Variants in MARCHF1 observed in about 807,000 individuals in gnomAD.
MARCHF1 encodes E3 ubiquitin-protein ligase MARCHF1.
In MARCHF1, 40 loss-of-function variants were observed where a neutral mutation model predicts 54.2. The observed-to-expected ratio is 0.74, with a 90% CI of 0.57 to 0.96. MARCHF1 has a LOEUF of 0.96. Ranked by LOEUF, MARCHF1 falls within the 40% of genes least tolerant of loss-of-function variation. The probability of loss-of-function intolerance (pLI) is 0.00; values close to 1 mark genes in which losing one functional copy is unlikely to be tolerated. For synonymous variants in MARCHF1, 236 were observed against 236.3 expected (o/e 1.00, Z 0.01); for missense variants, 586 against 656.5 (o/e 0.89, Z 1.17).
chr4:163,833,429 C>T (rs920684810), intron 4 of MARCHF1, among the ~76,000 whole-genome samples: 1 of 152,042 alleles, frequency 6.6e-6, no homozygotes, highest in Non-Finnish European at 1.5e-5. Flanking sequence ...AGTGAACAGG[C>T]AACCTACAGA....
intron 1 of MARCHF1, among the ~76,000 whole-genome samples, chr4:164,253,610 ATATATC>A (rs1182772120): frequency 2.0e-5 from 3 of 152,142 alleles, no homozygotes; most frequent in Non-Finnish European, 1.5e-5. Context: ...AGCTTTGTGT[ATATATC>A]TATATTTTCC....
At chr4:164,180,386 G>A (rs181939348) in intron 1 of MARCHF1, among the ~76,000 whole-genome samples, 1 of 152,216 alleles carries the variant, frequency 6.6e-6, no homozygotes, top group East Asian at 1.9e-4. Flanking sequence ...AACCTTTCAA[G>A]AAGGTCAATT....
At chr4:163,787,332 A>G (rs889507622) in intron 4 of MARCHF1, among the ~76,000 whole-genome samples, 1 of 151,860 alleles carries the variant, frequency 6.6e-6, no homozygotes, top group Non-Finnish European at 1.5e-5. Flanking sequence ...CACATGACAT[A>G]TAAGGGGTTA....
chr4:163,810,278 T>C (rs1748347265), intron 4 of MARCHF1, among the ~76,000 whole-genome samples: 1 of 152,232 alleles, frequency 6.6e-6, no homozygotes, highest in South Asian at 2.1e-4. Flanking sequence ...AAACTCAGAA[T>C]GATAATGGTG....
intron 5 of MARCHF1, among the ~76,000 whole-genome samples, chr4:163,668,625 G>A (rs1743622879): frequency 6.6e-6 from 1 of 152,150 alleles, no homozygotes; most frequent in Admixed American, 6.5e-5. Flanking sequence ...AGCAGAGCAT[G>A]TTAATTATTG....
intron 1 of MARCHF1, among the ~76,000 whole-genome samples, chr4:164,245,076 G>T (rs1412061281): frequency 6.6e-6 from 1 of 152,230 alleles, no homozygotes; most frequent in South Asian, 2.1e-4. Flanking sequence ...CCAATCAATA[G>T]AAAAAGAGGG....
chr4:163,664,531 G>A (rs1743463489), intron 5 of MARCHF1, among the ~76,000 whole-genome samples: 1 of 152,048 alleles, frequency 6.6e-6, no homozygotes, highest in Admixed American at 6.6e-5. Flanking sequence ...CCCACCTACA[G>A]AGAACTCAGC....
chr4:164,124,084 G>T, intron 1 of MARCHF1, among the ~76,000 whole-genome samples: 1 of 150,236 alleles, frequency 6.7e-6, no homozygotes, highest in East Asian at 1.9e-4. Context: ...GATCAAAAAT[G>T]GGCAAAAGAT....
rs372711581 is a variant in MARCHF1, at chr4:164,068,360, G to A, written c.-248+43228C>T. Among the ~76,000 whole-genome samples the A allele has an allele frequency of 9.9e-5, 15 of 152,268 alleles. No homozygotes were observed. In the East Asian group the frequency reaches 1.2e-3, roughly 12 times the overall value. On this transcript the variant is annotated intron_variant, in intron 2 of 9. Transcript: ENST00000514618. The stretch of plus-strand genomic sequence containing the variant: ...GCCCCTTTCTGGGCTGGCCAAGACC[G>A]GAGCCGCCTCCCTCAGCTTGCGGGG...
At chr4:164,272,889 G>A (rs1391269122) in intron 1 of MARCHF1, among the ~76,000 whole-genome samples, 1 of 151,818 alleles carries the variant, frequency 6.6e-6, no homozygotes, top group African/African-American at 2.4e-5. Flanking sequence ...TTATAACCTA[G>A]TTGAGTAATG....
chr4:164,303,926 G>A (rs545441018), intron 1 of MARCHF1, among the ~76,000 whole-genome samples: 2 of 152,284 alleles, frequency 1.3e-5, no homozygotes, highest in South Asian at 2.1e-4. Flanking sequence ...TCGACACTCC[G>A]AGTGATGAAT....
chr4:163,705,869 A>G (rs1275335549), intron 4 of MARCHF1, among the ~76,000 whole-genome samples: 3 of 152,050 alleles, frequency 2.0e-5, no homozygotes, highest in Admixed American at 6.6e-5. Context: ...AAAAGAAGCA[A>G]TACAACACTC....
chr4:163,576,200 ACTG>A (rs1351789287), intron 8 of MARCHF1, among the ~76,000 whole-genome samples: 3 of 51,270 alleles, frequency 5.9e-5, no homozygotes, highest in South Asian at 5.4e-4. Context: ...TCCTTTTAAC[ACTG>A]CCTTTGCTGC....
At position 163,700,859 on chromosome 4, in the gene MARCHF1, T is replaced by G; in HGVS notation, c.116A>C (p.Glu39Ala). The G allele has an allele frequency of 6.5e-7, 1 of 1,535,398 alleles. No homozygotes were observed. The highest frequency in any genetic ancestry group is 1.2e-5 in the South Asian group (1 of 84,030). ...ACTTGCAGATCGCCCTGGGGATTTT[T>G]CATTCTGAAAAATAAAATGGGAAAC... ...ADASQTSTLN[E>A]KSPGRSASRS... Residue 39 changes from glutamate (E) to alanine (A), a missense_variant, in exon 5 of 10, where the codon GAA becomes GCA. Transcript: ENST00000514618.
At chr4:163,706,541 G>A (rs1440194555) in intron 4 of MARCHF1, among the ~76,000 whole-genome samples, 1 of 151,844 alleles carries the variant, frequency 6.6e-6, no homozygotes, top group Non-Finnish European at 1.5e-5. Flanking sequence ...ACTTAACAAG[G>A]ACATGAAATT....
chr4:164,081,210 A>AT (rs1553978550), intron 2 of MARCHF1, among the ~76,000 whole-genome samples: 1 of 128,308 alleles, frequency 7.8e-6, no homozygotes, highest in African/African-American at 3.1e-5. Context: ...GCTGTCTCAA[A>AT]AAAAAAAAAA....
At chr4:163,609,439 G>A (rs1419443037) in intron 7 of MARCHF1, among the ~76,000 whole-genome samples, 2 of 151,858 alleles carry the variant, frequency 1.3e-5, no homozygotes, top group Non-Finnish European at 2.9e-5. Context: ...TTGGTGGAAG[G>A]CTAATTTGCC....
chr4:164,139,296 T>G (rs1036676485), intron 1 of MARCHF1, among the ~76,000 whole-genome samples: 5 of 152,248 alleles, frequency 3.3e-5, no homozygotes, highest in Admixed American at 2.6e-4. Flanking sequence ...ACGGCAATAT[T>G]CCATCTTTCA....
intron 2 of MARCHF1, among the ~76,000 whole-genome samples, chr4:164,076,082 TGAAA>T (rs1754972468): frequency 6.6e-6 from 1 of 151,936 alleles, no homozygotes; most frequent in Admixed American, 6.6e-5. Context: ...AATTTCTGTT[TGAAA>T]AAAGATAACT....
Sources: allele counts gnomAD v4.1 joint callset (sites outside exome capture counted in the v4.1 genomes callset), GRCh38; gene constraint gnomAD v4.1.1; transcripts MANE v1.5; gene names NCBI Gene and HGNC (gene_info 2026-07-23, HGNC 2026-07-21).